CCDC91: variants seen among roughly 807,000 people sequenced by gnomAD.
CCDC91 encodes the protein coiled-coil domain containing 91.
In CCDC91, 48 loss-of-function variants were observed where a neutral mutation model predicts 63.2. The observed-to-expected ratio is 0.76, with a 90% CI of 0.60 to 0.97. CCDC91 has a LOEUF of 0.97. CCDC91 is among the 50% of genes least tolerant of loss of function. The probability of loss-of-function intolerance (pLI) is 0.00; values close to 1 mark genes in which losing one functional copy is unlikely to be tolerated. For synonymous variants in CCDC91, 167 were observed against 165.8 expected (o/e 1.01, Z -0.06); for missense variants, 500 against 494.6 (o/e 1.01, Z -0.10).
intron 8 of CCDC91, among the ~76,000 whole-genome samples, chr12:28,415,290 C>G (rs1033650412): frequency 9.9e-5 from 15 of 151,478 alleles, no homozygotes; most frequent in Non-Finnish European, 1.5e-4. Context: ...ATAGCACGAT[C>G]TCGGCTCACT....
intron 6 of CCDC91, among the ~76,000 whole-genome samples, chr12:28,335,101 TATAA>T (rs1941830896): frequency 1.4e-5 from 2 of 143,856 alleles, no homozygotes; most frequent in African/African-American, 5.1e-5. Flanking sequence ...AAATATAAAA[TATAA>T]ATATACATTT....
At chr12:28,447,684 G>A (rs1400473154) in intron 8 of CCDC91, among the ~76,000 whole-genome samples, 3 of 137,514 alleles carry the variant, frequency 2.2e-5, no homozygotes, top group African/African-American at 5.5e-5. Flanking sequence ...ATGAAGGAAG[G>A]AAGGAAGGAA....
intron 12 of CCDC91, among the ~76,000 whole-genome samples, chr12:28,511,168 T>C (rs1329342307): frequency 2.0e-5 from 3 of 151,916 alleles, no homozygotes; most frequent in South Asian, 2.1e-4. Context: ...ATGTCACTTA[T>C]CACCATCTCC....
intron 8 of CCDC91, among the ~76,000 whole-genome samples, chr12:28,443,908 C>T (rs1167135834): frequency 6.6e-5 from 10 of 152,150 alleles, no homozygotes; most frequent in African/African-American, 1.9e-4. Flanking sequence ...ACTTGCTAAA[C>T]GCAAACTATA....
intron 8 of CCDC91, among the ~76,000 whole-genome samples, chr12:28,399,894 C>A (rs1163994715): frequency 6.6e-6 from 1 of 152,234 alleles, no homozygotes; most frequent in East Asian, 1.9e-4. Context: ...CTCCTCCTGG[C>A]TGCTTTCATG....
intron 12 of CCDC91, among the ~76,000 whole-genome samples, chr12:28,485,711 C>T (rs1435145761): frequency 1.3e-5 from 2 of 152,138 alleles, no homozygotes; most frequent in East Asian, 3.9e-4. Flanking sequence ...GATGCCTAAC[C>T]TTCTAAGGGG....
intron 3 of CCDC91, among the ~76,000 whole-genome samples, chr12:28,303,162 T>G (rs1938265502): frequency 6.6e-6 from 1 of 152,108 alleles, no homozygotes; most frequent in Admixed American, 6.6e-5. Context: ...TAATAGTATC[T>G]GATACAACAA....
chr12:28,283,513 A>G lies in CCDC91; in HGVS notation c.110-22136A>G, dbSNP rs576525468. Among the ~76,000 whole-genome samples, 9 of 151,350 alleles carry G rather than the reference A, an allele frequency of 5.9e-5. 1 individual carries two copies. In the South Asian group the frequency reaches 1.2e-3, roughly 21 times the overall value. Reference sequence around the variant, plus strand: ...TCTTGATTTGATTCTTAGCTTGGTCATTATTGGTGTATAGCAGTGGCACAT... The same window carrying G: ...TCTTGATTTGATTCTTAGCTTGGTCGTTATTGGTGTATAGCAGTGGCACAT... On this transcript the variant is annotated intron_variant, in intron 3 of 12. Transcript: ENST00000536442.
rs1947732922 is a variant in CCDC91, at chr12:28,417,434, G to A, written c.762+26023G>A. Among the ~76,000 whole-genome samples, 4 of 152,016 alleles carry A rather than the reference G, an allele frequency of 2.6e-5. No individual in the cohort carries two copies. In the South Asian group the frequency reaches 8.3e-4, roughly 31 times the overall value. Reference sequence around the variant, plus strand: ...TATTCCCCATCCCTGATACTTGGCAGTGATCTGTTTTAGGTCTCAATAGTT... The same window carrying A: ...TATTCCCCATCCCTGATACTTGGCAATGATCTGTTTTAGGTCTCAATAGTT... On this transcript the variant is annotated intron_variant, in intron 8 of 12. Transcript: ENST00000536442.
At chr12:28,249,718 CTTT>C (rs777184107) in intron 1 of CCDC91, among the ~76,000 whole-genome samples, 4 of 143,998 alleles carry the variant, frequency 2.8e-5, no homozygotes, top group Admixed American at 7.0e-5. Flanking sequence ...ACTATGATTA[CTTT>C]TTTTTTTTTT....
intron 1 of CCDC91, among the ~76,000 whole-genome samples, chr12:28,201,282 C>G (rs934213389): frequency 1.4e-5 from 2 of 147,336 alleles, no homozygotes; most frequent in African/African-American, 5.0e-5. Flanking sequence ...CGGGCGGTTG[C>G]CAGGCGGAGG....
chr12:28,300,909 G>A (rs985750853), intron 3 of CCDC91, among the ~76,000 whole-genome samples: 1 of 151,506 alleles, frequency 6.6e-6, no homozygotes, highest in African/African-American at 2.4e-5. Context: ...AATGGTTATT[G>A]TTTTTACATA....
At chr12:28,399,938 A>G (rs895560491) in intron 8 of CCDC91, among the ~76,000 whole-genome samples, 1 of 152,144 alleles carries the variant, frequency 6.6e-6, no homozygotes, top group Non-Finnish European at 1.5e-5. Context: ...CCAGGCGCAC[A>G]GTGTAAGCTG....
intron 11 of CCDC91, among the ~76,000 whole-genome samples, chr12:28,476,532 T>G (rs1241271515): frequency 6.6e-6 from 1 of 151,870 alleles, no homozygotes; most frequent in African/African-American, 2.4e-5. Flanking sequence ...GATCTAAAAT[T>G]GACACCCTAA....
chr12:28,255,602 C>CTTAGTT (rs1435371064), intron 1 of CCDC91: 10 of 152,150 alleles, frequency 6.6e-5, no homozygotes, highest in Admixed American at 6.5e-4. Context: ...GGATGACCTG[C>CTTAGTT]TTAGTTTTAA....
chr12:28,315,601 T>A (rs1939777712), intron 6 of CCDC91, among the ~76,000 whole-genome samples: 1 of 152,054 alleles, frequency 6.6e-6, no homozygotes, highest in African/African-American at 2.4e-5. Flanking sequence ...TTTAGAACAA[T>A]AATCTTCAAT....
intron 6 of CCDC91, among the ~76,000 whole-genome samples, chr12:28,341,074 G>T (rs2137974534): frequency 6.6e-6 from 1 of 152,274 alleles, no homozygotes; most frequent in East Asian, 1.9e-4. Context: ...GTGTCATTCT[G>T]CCAGTCGATG....
intron 1 of CCDC91, among the ~76,000 whole-genome samples, chr12:28,192,417 G>A (rs1464784211): frequency 2.0e-5 from 3 of 152,146 alleles, no homozygotes; most frequent in Non-Finnish European, 2.9e-5. Context: ...GAATGTTTTA[G>A]ATAAGTTGTT....
At chr12:28,211,807 G>T (rs940853415) in intron 1 of CCDC91, among the ~76,000 whole-genome samples, 4 of 151,624 alleles carry the variant, frequency 2.6e-5, no homozygotes, top group Non-Finnish European at 5.9e-5. Context: ...ATGAAACAAA[G>T]GGGTAGAATG....
Sources: gnomAD v4.1 joint callset for allele counts (sites outside exome capture counted in the v4.1 genomes callset) on GRCh38, gnomAD v4.1.1 for gene constraint, MANE v1.5 for transcripts, NCBI Gene and HGNC (gene_info 2026-07-23, HGNC 2026-07-21) for gene names.